TAF4B: variants seen among roughly 807,000 people sequenced by gnomAD.
TAF4B encodes the protein transcription initiation factor TFIID subunit 4B.
A neutral mutation model predicts 86.4 loss-of-function variants in TAF4B; 38 were observed. That is an observed-to-expected ratio of 0.44 (90% CI 0.34 to 0.58). The LOEUF is 0.58. TAF4B is among the 20% of genes least tolerant of loss of function. The pLI is 0.02. For synonymous variants in TAF4B, 388 were observed against 391.2 expected, an observed-to-expected ratio of 0.99 and a Z score of 0.10; for missense variants, 988 against 1,027.6, an observed-to-expected ratio of 0.96 and a Z score of 0.53.
At chr18:26,287,292 A>T (rs2056536087) in intron 7 of TAF4B, among the ~76,000 whole-genome samples, 1 of 152,188 alleles carries the variant, frequency 6.6e-6, no homozygotes, top group African/African-American at 2.4e-5. Flanking sequence ...GGCATGAGCC[A>T]CTGTACCTGG....
intron 13 of TAF4B, among the ~76,000 whole-genome samples, chr18:26,356,673 C>T (rs747140410): frequency 2.7e-4 from 41 of 151,980 alleles, no homozygotes; most frequent in Non-Finnish European, 5.0e-4. Flanking sequence ...TTCCTCTTTT[C>T]CCTCCATAGT....
chr18:26,301,803 T>TC (rs2056736593), intron 9 of TAF4B, among the ~76,000 whole-genome samples: 2 of 152,190 alleles, frequency 1.3e-5, no homozygotes, highest in Non-Finnish European at 2.9e-5. Flanking sequence ...GCCTTGGACT[T>TC]CAACTTCTTG....
At chr18:26,292,195 T>G in intron 7 of TAF4B, 51 bp from the exon 8 acceptor site, 1 of 1,569,870 alleles carries the variant, frequency 6.4e-7, no homozygotes, top group Non-Finnish European at 8.6e-7. Context: ...ATCTTATCCT[T>G]TTCTAAAGCC....
intron 14 of TAF4B, among the ~76,000 whole-genome samples, chr18:26,378,301 A>G (rs565824215): frequency 6.6e-6 from 1 of 152,328 alleles, no homozygotes; most frequent in South Asian, 2.1e-4. Flanking sequence ...GCATTTCAGT[A>G]ATATTTATAA....
At chr18:26,333,562 T>A (rs531876317) in intron 12 of TAF4B, among the ~76,000 whole-genome samples, 6 of 152,226 alleles carry the variant, frequency 3.9e-5, no homozygotes, top group South Asian at 4.2e-4. Context: ...GCTAATTTTT[T>A]AAATTTTTAG....
chr18:26,368,617 T>C (rs1276884102), intron 14 of TAF4B, among the ~76,000 whole-genome samples: 1 of 152,192 alleles, frequency 6.6e-6, no homozygotes. Context: ...TTTAAACAGA[T>C]TTATTGTCAT....
chr18:26,265,764 G>T (rs2056231356), intron 2 of TAF4B, among the ~76,000 whole-genome samples: 1 of 152,110 alleles, frequency 6.6e-6, no homozygotes. Context: ...TCGCTTTGTT[G>T]CTCAGGCTGG....
intron 5 of TAF4B, among the ~76,000 whole-genome samples, chr18:26,279,943 C>T (rs1050313549): frequency 5.3e-5 from 8 of 151,842 alleles, no homozygotes; most frequent in Admixed American, 1.3e-4. Context: ...ACTCAGGAGG[C>T]CGAGGCAGGG....
chr18:26,305,354 G>C (rs973911671), intron 9 of TAF4B, among the ~76,000 whole-genome samples: 4 of 152,072 alleles, frequency 2.6e-5, no homozygotes, highest in African/African-American at 9.7e-5. Context: ...TTATCTTATA[G>C]TAAATTCCCA....
intron 9 of TAF4B, among the ~76,000 whole-genome samples, chr18:26,306,253 A>G (rs1044927212): frequency 1.3e-5 from 2 of 152,134 alleles, no homozygotes; most frequent in Non-Finnish European, 2.9e-5. Context: ...AACCCACTGT[A>G]TAGTTTTTGA....
chr18:26,372,009 A>G (rs2057409046), intron 14 of TAF4B, among the ~76,000 whole-genome samples: 1 of 152,194 alleles, frequency 6.6e-6, no homozygotes, highest in African/African-American at 2.4e-5. Context: ...TAGGAGACCC[A>G]AAACACCGTT....
intron 14 of TAF4B, among the ~76,000 whole-genome samples, chr18:26,367,970 G>A (rs2057382425): frequency 6.6e-6 from 1 of 152,118 alleles, no homozygotes; most frequent in African/African-American, 2.4e-5. Context: ...ACTTAAAAAT[G>A]TTTGTCACTG....
At chr18:26,370,985 A>G (rs980815097) in intron 14 of TAF4B, among the ~76,000 whole-genome samples, 1 of 152,206 alleles carries the variant, frequency 6.6e-6, no homozygotes, top group African/African-American at 2.4e-5. Flanking sequence ...TCCTGATCAC[A>G]CATGTGGGTC....
At chr18:26,277,966 T>G (rs2056402547) in intron 5 of TAF4B, among the ~76,000 whole-genome samples, 1 of 152,232 alleles carries the variant, frequency 6.6e-6, no homozygotes, top group Admixed American at 6.5e-5. Context: ...GAGCTTTAAT[T>G]TTTATCATTA....
At position 26,312,495 on chromosome 18, in the gene TAF4B, T is replaced by C. The variant is rs373532328; in HGVS notation, c.1833-2734T>C. 3.0e-4 allele frequency among the ~76,000 whole-genome samples: 45 copies of C among 152,284 alleles called. No individual in the cohort carries two copies. The South Asian group carries it at 3.5e-3, about 12-fold the overall frequency. Reference sequence around the variant, plus strand: ...GGATGGCAGGCAAGAACAAATCTTATTGAGTAGTTAGTTCCCTGCTCATTT... The same window carrying C: ...GGATGGCAGGCAAGAACAAATCTTACTGAGTAGTTAGTTCCCTGCTCATTT... On this transcript the variant is annotated intron_variant, in intron 9 of 14. Transcript: ENST00000269142.
intron 2 of TAF4B, chr18:26,266,886 A>AAC (rs2056248168): frequency 6.6e-6 from 1 of 152,024 alleles, no homozygotes; most frequent in Non-Finnish European, 1.5e-5. Flanking sequence ...AAAACAAACA[A>AAC]AAATTATATA....
intron 9 of TAF4B, among the ~76,000 whole-genome samples, chr18:26,295,934 T>A (rs2056656843): frequency 6.6e-6 from 1 of 152,104 alleles, no homozygotes; most frequent in Non-Finnish European, 1.5e-5. Flanking sequence ...CTTTTGTAAT[T>A]TTTGGAAAAC....
At chr18:26,251,599 A>G (rs2056007451) in intron 1 of TAF4B, among the ~76,000 whole-genome samples, 1 of 152,218 alleles carries the variant, frequency 6.6e-6, no homozygotes, top group African/African-American at 2.4e-5. Context: ...GGTGCTATGT[A>G]ACCTAATATA....
At chr18:26,283,042 A>G (rs1442963695) in intron 6 of TAF4B, among the ~76,000 whole-genome samples, 2 of 152,214 alleles carry the variant, frequency 1.3e-5, no homozygotes, top group African/African-American at 4.8e-5. Context: ...GACTTCTTCC[A>G]CTGAAGTTCT....
Sources: gnomAD v4.1 joint callset for allele counts (sites outside exome capture counted in the v4.1 genomes callset) on GRCh38, gnomAD v4.1.1 for gene constraint, MANE v1.5 for transcripts, NCBI Gene and HGNC (gene_info 2026-07-23, HGNC 2026-07-21) for gene names.